ROBO2: variants seen among roughly 807,000 people sequenced by gnomAD.
ROBO2 encodes roundabout homolog 2.
ROBO2 carries 53 observed loss-of-function variants against 160.8 expected under a neutral mutation model. The ratio of observed to expected loss-of-function variants is 0.33; its 90% confidence interval spans 0.26 to 0.41. ROBO2 has a LOEUF of 0.41. ROBO2 is among the 10% of genes least tolerant of loss of function. The pLI is 1.00. For missense variants in ROBO2, 1,577 were observed against 1,722.4 expected, an observed-to-expected ratio of 0.92 and a Z score of 1.49; for synonymous variants, 664 against 611.7, an observed-to-expected ratio of 1.09 and a Z score of -1.26.
intron 2 of ROBO2, among the ~76,000 whole-genome samples, chr3:77,457,272 T>C (rs754166424): frequency 5.9e-5 from 9 of 152,172 alleles, no homozygotes; most frequent in Non-Finnish European, 1.3e-4. Context: ...AGGCTCCTGA[T>C]TTGTTTTGTC....
intron 2 of ROBO2, among the ~76,000 whole-genome samples, chr3:76,338,755 A>G (rs910507556): frequency 6.6e-6 from 1 of 150,384 alleles, no homozygotes; most frequent in African/African-American, 2.4e-5. Flanking sequence ...AATTATTTTT[A>G]TTAATCAAAT....
At chr3:77,310,782 A>T (rs1234399500) in intron 2 of ROBO2, among the ~76,000 whole-genome samples, 2 of 152,014 alleles carry the variant, frequency 1.3e-5, no homozygotes, top group Non-Finnish European at 2.9e-5. Context: ...TTACCAATAC[A>T]ATATCTATTT....
intron 2 of ROBO2, among the ~76,000 whole-genome samples, chr3:75,996,948 A>G (rs2065747450): frequency 6.6e-6 from 1 of 152,198 alleles, no homozygotes; most frequent in South Asian, 2.1e-4. Context: ...TAATAGCTGC[A>G]TTCTTTTAGG....
At chr3:76,506,750 A>G (rs769893445) in intron 2 of ROBO2, among the ~76,000 whole-genome samples, 2 of 152,214 alleles carry the variant, frequency 1.3e-5, no homozygotes, top group Non-Finnish European at 2.9e-5. Flanking sequence ...CTAAACATAA[A>G]ATACAATCTG....
At chr3:76,314,474 TG>T (rs1330258017) in intron 2 of ROBO2, among the ~76,000 whole-genome samples, 1 of 152,062 alleles carries the variant, frequency 6.6e-6, no homozygotes, top group Non-Finnish European at 1.5e-5. Flanking sequence ...ACATATGTAT[TG>T]AGTTCACCCT....
At chr3:75,941,858 A>G (rs554724438) in intron 2 of ROBO2, among the ~76,000 whole-genome samples, 1 of 152,304 alleles carries the variant, frequency 6.6e-6, no homozygotes, top group Admixed American at 6.5e-5. Flanking sequence ...ACAAGTAATT[A>G]TATGAAGACA....
Position 77,564,947 on chromosome 3 carries a change from G to A in ROBO2, c.1683-7G>A, listed in dbSNP as rs1360507349. 1.9e-6 allele frequency: 3 copies of A among 1,612,692 alleles called. No individual in the cohort carries two copies. The highest frequency in any genetic ancestry group is 1.7e-6 in the Non-Finnish European group (2 of 1,179,436). ...TTCTTTAAATGAAATTTCTGTTCGC[G>A]TTTCAGCCAATCAGTGAGCAACAGC... is the stretch of plus-strand genomic sequence containing the variant. On this transcript the variant is annotated splice_polypyrimidine_tract_variant and splice_region_variant and intron_variant, in intron 11 of 25. Coordinates refer to ENST00000461745, the Ensembl canonical transcript of ROBO2.
intron 2 of ROBO2, among the ~76,000 whole-genome samples, chr3:76,521,019 A>G (rs368107732): frequency 9.8e-4 from 148 of 151,606 alleles, no homozygotes; most frequent in African/African-American, 2.9e-3. Flanking sequence ...TTTGATATGA[A>G]AAAACAGTTG....
At chr3:76,941,500 C>G (rs1039910774) in intron 2 of ROBO2, among the ~76,000 whole-genome samples, 1 of 152,168 alleles carries the variant, frequency 6.6e-6, no homozygotes, top group Non-Finnish European at 1.5e-5. Flanking sequence ...CCCTACCTCT[C>G]AAGGCTTCAG....
At chr3:76,791,109 G>A (rs183337919) in intron 2 of ROBO2, among the ~76,000 whole-genome samples, 8 of 151,704 alleles carry the variant, frequency 5.3e-5, no homozygotes, top group Admixed American at 1.3e-4. Flanking sequence ...CTGCATTTTC[G>A]CCAGTGTGAT....
chr3:76,446,774 A>C (rs899335628), intron 2 of ROBO2, among the ~76,000 whole-genome samples: 13 of 152,198 alleles, frequency 8.5e-5, no homozygotes, highest in African/African-American at 2.9e-4. Context: ...ATACCTGAGA[A>C]AAACAAGCAA....
intron 2 of ROBO2, among the ~76,000 whole-genome samples, chr3:76,315,015 G>A (rs1233821077): frequency 1.3e-5 from 2 of 152,100 alleles, no homozygotes; most frequent in Non-Finnish European, 2.9e-5. Context: ...TAGAAAAATA[G>A]GTCTAGAAGA....
At chr3:77,613,446 G>T (rs1016698529) in intron 21 of ROBO2, among the ~76,000 whole-genome samples, 1 of 151,988 alleles carries the variant, frequency 6.6e-6, no homozygotes, top group Non-Finnish European at 1.5e-5. Flanking sequence ...GCAGAAAAAA[G>T]GACTCTTTTG....
intron 23 of ROBO2, chr3:77,632,338 T>G: frequency 1.6e-6 from 1 of 627,880 alleles, no homozygotes; most frequent in Non-Finnish European, 2.6e-6. Flanking sequence ...ACATGATACT[T>G]GCATTTGGCT....
At chr3:77,328,182 C>A (rs1417318971) in intron 2 of ROBO2, among the ~76,000 whole-genome samples, 1 of 151,958 alleles carries the variant, frequency 6.6e-6, no homozygotes, top group East Asian at 1.9e-4. Context: ...TTCCTCTTCC[C>A]TCCCAAAATT....
At chr3:76,421,412 G>T (rs1158026360) in intron 2 of ROBO2, among the ~76,000 whole-genome samples, 3 of 152,044 alleles carry the variant, frequency 2.0e-5, no homozygotes, top group Admixed American at 6.6e-5. Context: ...AATATTTTTT[G>T]ATTATTCATT....
chr3:76,086,037 A>T (rs78603549), intron 2 of ROBO2, among the ~76,000 whole-genome samples: 2 of 152,312 alleles, frequency 1.3e-5, no homozygotes, highest in East Asian at 3.9e-4. Flanking sequence ...AGCCTAACTG[A>T]CATGAAGGAA....
chr3:76,753,331 T>C (rs1429017197), intron 2 of ROBO2, among the ~76,000 whole-genome samples: 1 of 152,058 alleles, frequency 6.6e-6, no homozygotes, highest in East Asian at 1.9e-4. Context: ...CCTGATTTCA[T>C]TTATGGGGCC....
intron 23 of ROBO2, chr3:77,629,285 T>C (rs566434886): frequency 6.6e-6 from 1 of 152,172 alleles, no homozygotes; most frequent in East Asian, 1.9e-4. Context: ...TCTTTAGTGA[T>C]GCTACCGTGG....
Sources: gnomAD v4.1 joint callset for allele counts (sites outside exome capture counted in the v4.1 genomes callset) on GRCh38, gnomAD v4.1.1 for gene constraint, MANE v1.5 for transcripts, NCBI Gene and HGNC (gene_info 2026-07-23, HGNC 2026-07-21) for gene names.